The following CALN1 variants were observed in gnomAD, a reference collection of about 807,000 sequenced individuals.
The protein encoded by CALN1 is calcium-binding protein 8.
CALN1 carries 17 observed loss-of-function variants against 30.6 expected under a neutral mutation model. The observed-to-expected ratio is 0.56, with a 90% CI of 0.38 to 0.83. The LOEUF is 0.83. Ranked by LOEUF, CALN1 falls within the 40% of genes least tolerant of loss-of-function variation. The probability of loss-of-function intolerance (pLI) is 0.00; values close to 1 mark genes in which losing one functional copy is unlikely to be tolerated. For missense variants in CALN1, 291 were observed against 354.9 expected, an observed-to-expected ratio of 0.82 and a Z score of 1.45; for synonymous variants, 156 against 131.4, an observed-to-expected ratio of 1.19 and a Z score of -1.28.
rs566199540 is a variant in CALN1 at position 71,943,679 on chromosome 7, T to C, written c.501+79978A>G. On this transcript the variant is annotated intron_variant, in intron 5 of 6. Coordinates refer to ENST00000395275, the MANE Select transcript of CALN1 (RefSeq NM_031468.4). Reference sequence around the variant, plus strand: ...TTGATCTTGAACTCATGAACTCAGGTCATTCACCCACCTCGGACTCCCAAA... The same window carrying C: ...TTGATCTTGAACTCATGAACTCAGGCCATTCACCCACCTCGGACTCCCAAA... 1.2e-4 allele frequency among the ~76,000 whole-genome samples: 19 copies of C among 152,170 alleles called. No individual in the cohort carries two copies. In the East Asian group the frequency reaches 3.7e-3, roughly 30 times the overall value.
chr7:72,429,942 C>A (rs58414413), intron 1 of CALN1, among the ~76,000 whole-genome samples: 7,323 of 150,434 alleles, frequency 0.049, 435 homozygotes, highest in East Asian at 0.26. Context: ...GCCTCTGCCT[C>A]CCGAGTAGCT....
chr7:72,183,987 C>T (rs990001471), intron 3 of CALN1, among the ~76,000 whole-genome samples: 4 of 151,998 alleles, frequency 2.6e-5, no homozygotes, highest in South Asian at 4.2e-4. Context: ...GACCTTATGA[C>T]GACAGTTCAG....
intron 5 of CALN1, among the ~76,000 whole-genome samples, chr7:72,005,588 T>A (rs1017223351): frequency 2.0e-5 from 3 of 152,046 alleles, no homozygotes; most frequent in African/African-American, 4.8e-5. Flanking sequence ...CACCTCAGCC[T>A]CCCAAGTGCT....
In CALN1 at chr7:72,079,761, C is replaced by CTTTTTTTTTTTTTTT. The variant is rs3065015; in HGVS notation, c.388+26375_388+26389dup. Among the ~76,000 whole-genome samples, 111 of 104,040 alleles carry CTTTTTTTTTTTTTTT rather than the reference C, an allele frequency of 1.1e-3. 2 individuals are homozygous for CTTTTTTTTTTTTTTT. Among genetic ancestry groups the CTTTTTTTTTTTTTTT allele is most frequent in the African/African-American group, 1.6e-3 (41 of 25,056 alleles). The allele number at this position is 104,040 out of a possible 152,430, so 68.3% of individuals were successfully genotyped here. On this transcript the variant is annotated intron_variant, in intron 4 of 6. Coordinates refer to ENST00000395275, the MANE Select transcript of CALN1 (RefSeq NM_031468.4). ...AAATGCCCAAGAGGTTGCCTTTTTC[C>CTTTTTTTTTTTTTTT]TTTTTTTTTTTTTTTTTTTTTTTTT...
At chr7:72,344,108 G>A (rs1008813233) in intron 2 of CALN1, among the ~76,000 whole-genome samples, 1 of 151,990 alleles carries the variant, frequency 6.6e-6, no homozygotes, top group Non-Finnish European at 1.5e-5. Context: ...GCAGTGGCTT[G>A]ATTTCAGAAA....
chr7:72,364,179 T>C (rs534247594), intron 2 of CALN1, among the ~76,000 whole-genome samples: 1 of 152,222 alleles, frequency 6.6e-6, no homozygotes, highest in East Asian at 1.9e-4. Flanking sequence ...CATTACCAGA[T>C]AAGAAAATAC....
intron 3 of CALN1, among the ~76,000 whole-genome samples, chr7:72,115,917 A>T (rs73371738): frequency 0.012 from 1,850 of 152,106 alleles, 30 homozygotes; most frequent in African/African-American, 0.04. Context: ...ATAACATGCA[A>T]TATTTTTCTT....
chr7:72,406,813 A>G (rs1188697093), intron 1 of CALN1, among the ~76,000 whole-genome samples: 1 of 151,908 alleles, frequency 6.6e-6, no homozygotes, highest in Admixed American at 6.6e-5. Flanking sequence ...GACGGGTTTC[A>G]CCATCTTGGC....
chr7:71,846,019 C>T (rs1264742143), intron 5 of CALN1, among the ~76,000 whole-genome samples: 3 of 152,136 alleles, frequency 2.0e-5, no homozygotes, highest in South Asian at 2.1e-4. Context: ...CACTACTGCA[C>T]TCTAGCCTGG....
At chr7:71,982,448 G>A (rs797019045) in intron 5 of CALN1, among the ~76,000 whole-genome samples, 2 of 152,084 alleles carry the variant, frequency 1.3e-5, no homozygotes, top group Non-Finnish European at 2.9e-5. Flanking sequence ...TATAAAATTA[G>A]CTGGGCATGG....
intron 4 of CALN1, among the ~76,000 whole-genome samples, chr7:72,085,417 T>C (rs1357090113): frequency 6.6e-6 from 1 of 152,220 alleles, no homozygotes; most frequent in African/African-American, 2.4e-5. Flanking sequence ...TTGTTAAGAT[T>C]GTTCTATTTT....
chr7:72,169,596 T>A (rs1414764538), intron 3 of CALN1, among the ~76,000 whole-genome samples: 2 of 152,000 alleles, frequency 1.3e-5, no homozygotes, highest in Non-Finnish European at 2.9e-5. Flanking sequence ...GTGCTGAGGT[T>A]ACAGGCTTGA....
chr7:72,420,284 G>T (rs1807563450), intron 1 of CALN1, among the ~76,000 whole-genome samples: 1 of 152,058 alleles, frequency 6.6e-6, no homozygotes, highest in African/African-American at 2.4e-5. Flanking sequence ...GATCTAAAGT[G>T]GTCCATCCTG....
intron 2 of CALN1, among the ~76,000 whole-genome samples, chr7:72,384,639 G>A (rs538535976): frequency 3.2e-4 from 49 of 151,314 alleles, no homozygotes; most frequent in Middle Eastern, 3.4e-3. Flanking sequence ...GTGAGACCCC[G>A]TCTCAAGAAA....
chr7:72,501,370 T>TAAAAAAAAAAAAA, the CALN1 span, among the ~76,000 whole-genome samples: 7 of 42,800 alleles, frequency 1.6e-4, no homozygotes, highest in African/African-American at 2.0e-4. Context: ...ACGTCTCTAT[T>TAAAAAAAAAAAAA]AAAAAAAAAA....
intron 3 of CALN1, among the ~76,000 whole-genome samples, chr7:72,273,364 G>A (rs1489004541): frequency 1.4e-5 from 2 of 143,628 alleles, no homozygotes; most frequent in African/African-American, 5.0e-5. Context: ...AGACGTTGCA[G>A]TGAGCCAAGA....
At chr7:72,382,852 G>A (rs957664807) in intron 2 of CALN1, among the ~76,000 whole-genome samples, 15 of 152,108 alleles carry the variant, frequency 9.9e-5, no homozygotes, top group Non-Finnish European at 2.1e-4. Flanking sequence ...GCAGGAGTGC[G>A]ATCTTGGCTC....
intron 4 of CALN1, among the ~76,000 whole-genome samples, chr7:72,076,118 C>T (rs1273934089): frequency 1.3e-5 from 2 of 152,028 alleles, no homozygotes. Flanking sequence ...GTGCAAAGCT[C>T]ACAGTGGCCA....
chr7:72,352,076 A>G (rs1156338770), intron 2 of CALN1, among the ~76,000 whole-genome samples: 1 of 152,178 alleles, frequency 6.6e-6, no homozygotes, highest in Non-Finnish European at 1.5e-5. Flanking sequence ...GTCAGGCAGG[A>G]GAATCATTTG....
Sources: gnomAD v4.1 joint callset for allele counts (sites outside exome capture counted in the v4.1 genomes callset) on GRCh38, gnomAD v4.1.1 for gene constraint, MANE v1.5 for transcripts, NCBI Gene and HGNC (gene_info 2026-07-23, HGNC 2026-07-21) for gene names.